Variants in STAB1 observed in about 807,000 individuals in gnomAD.
STAB1 encodes stabilin 1, also known as stabilin-1.
A neutral mutation model predicts 332.4 loss-of-function variants in STAB1; 250 were observed. The observed-to-expected ratio is 0.75, with a 90% CI of 0.68 to 0.84. The LOEUF (loss-of-function observed/expected upper bound fraction) is 0.84. STAB1 is among the 40% of genes least tolerant of loss of function. The probability of loss-of-function intolerance (pLI) is 0.00; values close to 1 mark genes in which losing one functional copy is unlikely to be tolerated. For missense variants in STAB1, 3,249 were observed against 3,489.7 expected, an observed-to-expected ratio of 0.93 and a Z score of 1.74; for synonymous variants, 1,475 against 1,390.4, an observed-to-expected ratio of 1.06 and a Z score of -1.35.
At chr3:52,516,910 C>T in intron 41 of STAB1, 74 bp from the exon 42 acceptor site, 11 of 1,602,088 alleles carry the variant, frequency 6.9e-6, no homozygotes, top group South Asian at 2.2e-5. Flanking sequence ...TTTCCTTTCT[C>T]TCACGCCCTC....
At chr3:52,518,380 T>C (rs1375559762) in intron 46 of STAB1, 21 bp downstream of exon 46, 1 of 1,610,176 alleles carries the variant, frequency 6.2e-7, no homozygotes, top group African/African-American at 1.3e-5. Context: ...AGCTTGGGCC[T>C]CTGTGACCTG....
Position 52,523,751 on chromosome 3 carries a change from C to T in STAB1, c.7390C>T (p.Gln2464Ter), listed in dbSNP as rs1336838153. The change falls in exon 66 of 69, where the codon CAG becomes TAG. Residue 2464 changes from glutamine (Q) to a stop codon, truncating the protein, a stop_gained. Coordinates refer to ENST00000321725, the MANE Select transcript of STAB1 (RefSeq NM_015136.3). LOFTEE classifies it high-confidence loss of function. ...GGCCAGCCCCCTCCTGGCACCCCCA[C>T]AGCCCGTGAGTTGAGGAAGGGGGAG... ...ALASPLLAPP[Q>*]PQAVLAPEAP... is the part of the protein sequence containing the mutation. The T allele has an allele frequency of 1.9e-5, 31 of 1,598,810 alleles. No homozygotes were observed. Among genetic ancestry groups the T allele is most frequent in the Non-Finnish European group, 2.6e-5 (30 of 1,168,556 alleles).
intron 46 of STAB1, 69 bp from the exon 47 acceptor site, chr3:52,518,467 C>G: frequency 6.4e-7 from 1 of 1,562,392 alleles, no homozygotes. Flanking sequence ...GAGTCCAGGT[C>G]TTCCCCAGGA....
In STAB1 at chr3:52,523,065, G is replaced by A. The variant is rs369212399; in HGVS notation, c.6951G>A (p.Gly2317=). 6.9e-5 allele frequency: 108 copies of A among 1,570,812 alleles called. No homozygotes were observed. The highest frequency in any genetic ancestry group is 8.7e-5 in the Non-Finnish European group (101 of 1,156,334). Residue 2317 remains glycine, a synonymous_variant, in exon 63 of 69, where the codon GGG becomes GGA. Coordinates refer to ENST00000321725, the MANE Select transcript of STAB1 (RefSeq NM_015136.3). ...GCCGAAATGGCTTCGTGGGTGACGG[G>A]ATCAGCACGTGCAATGGGAAGCTGC... ...CRCRNGFVGD[G]ISTCNGKLLD...
rs538241569 is a variant in STAB1, at chr3:52,506,200, C to T, written c.1780C>T (p.Arg594Trp). 33 of 1,612,766 alleles carry T rather than the reference C, an allele frequency of 2.0e-5. No individual in the cohort carries two copies. The highest frequency in any genetic ancestry group is 2.7e-5 in the African/African-American group (2 of 75,058). ...CGTTGAGAAGCTCATCTCCAAGGGT[C>T]GGATCCTCACCATGGCGAACCAGGT... ...LTVEKLISKG[R>W]ILTMANQVLA... The change falls in exon 17 of 69, where the codon CGG (arginine) becomes TGG (tryptophan). Residue 594 changes from arginine (R) to tryptophan (W), a missense_variant. Transcript: ENST00000321725.
Position 52,522,096 on chromosome 3 carries a change from G to C in STAB1, c.6331G>C (p.Val2111Leu). ...GCSEHANCSQ[V>L]GTMVTCTCLP... Reference sequence around the variant, plus strand: ...CAGTGAGCACGCCAACTGTAGCCAGGTAGGAACAATGGTCACTTGTACCTG... The same window carrying C: ...CAGTGAGCACGCCAACTGTAGCCAGCTAGGAACAATGGTCACTTGTACCTG... Residue 2111 changes from valine to leucine, a missense_variant, in exon 59 of 69, where the codon GTA (valine) becomes CTA (leucine). Transcript: ENST00000321725. The C allele has an allele frequency of 1.9e-6, 3 of 1,613,112 alleles. No homozygotes were observed. Among genetic ancestry groups the C allele is most frequent in the Non-Finnish European group, 2.5e-6 (3 of 1,180,012 alleles).
rs748877370 is a variant in STAB1 at position 52,519,356 on chromosome 3, G to GC, written c.5133dup (p.Glu1712ArgfsTer8). 101 of 1,613,088 alleles carry GC rather than the reference G, an allele frequency of 6.3e-5. No homozygotes were observed. Among genetic ancestry groups the GC allele is most frequent in the Middle Eastern group, 1.7e-4 (1 of 6,060 alleles). On this transcript the variant is annotated frameshift_variant, in exon 49 of 69. Coordinates refer to ENST00000321725, the MANE Select transcript of STAB1 (RefSeq NM_015136.3). LOFTEE classifies it high-confidence loss of function. ...TGCACTTCATTGACCGTGTCCTGCT[G>GC]CCCCCCGAGGCGCTGCACTGGGAGC...
Position 52,523,534 on chromosome 3 carries a change from C to A in STAB1, c.7248C>A (p.Ile2416=). 1 of 1,612,928 alleles carries A rather than the reference C, an allele frequency of 6.2e-7. No homozygotes were observed. Among genetic ancestry groups the A allele is most frequent in the Non-Finnish European group, 8.5e-7 (1 of 1,180,000 alleles). ...CGGCCCACTCAGGCCTCAGCCTCATCATCAGTGACGCAGGCCCTGACAACA... is the reference window on the plus strand; with the variant it reads ...CGGCCCACTCAGGCCTCAGCCTCATAATCAGTGACGCAGGCCCTGACAACA... ...LLPAHSGLSL[I]ISDAGPDNSS... Residue 2416 remains isoleucine, a synonymous_variant, in exon 65 of 69, where the codon ATC becomes ATA. Transcript: ENST00000321725.
chr3:52,509,919 G>T lies in STAB1; in HGVS notation c.2397G>T (p.Gly799=), dbSNP rs1446102475. The T allele has an allele frequency of 1.1e-5, 17 of 1,612,922 alleles. No individual in the cohort carries two copies. The highest frequency in any genetic ancestry group is 1.7e-5 in the Admixed American group (1 of 60,008). ...GCGACAACCGCCCAGGCAGTGGGGG[G>T]GTGTGCCAGCAGGGCACGTGTGCCC... is the stretch of plus-strand genomic sequence containing the variant. The part of the protein sequence containing the change: ...GLCDNRPGSG[G]VCQQGTCAPG... The change falls in exon 23 of 69, where the codon GGG becomes GGT. Residue 799 remains glycine, a synonymous_variant. Transcript: ENST00000321725.
intron 36 of STAB1, 118 bp downstream of exon 36, chr3:52,515,163 G>A: frequency 7.6e-7 from 1 of 1,323,946 alleles, no homozygotes; most frequent in East Asian, 2.5e-5. Context: ...CAGGCTCAGG[G>A]AACTGGGTGG....
In STAB1 at chr3:52,510,232, G is replaced by T. The variant is rs201202233; in HGVS notation, c.2625G>T (p.Glu875Asp). 6.2e-6 allele frequency: 10 copies of T among 1,614,046 alleles called. No homozygotes were observed. In the East Asian group the frequency reaches 8.9e-5, roughly 14 times the overall value. ...CSHPDRGGCSENAECVPGSLG... is the reference protein window; with the variant it reads ...CSHPDRGGCSDNAECVPGSLG... ...ACCCGGACCGTGGAGGCTGCTCAGA[G>T]AATGTCAGTCCCCTTGCTCCTTCCC... Residue 875 changes from glutamate to aspartate, a missense_variant, in exon 24 of 69, where the codon GAG becomes GAT. By Grantham distance (45) the Glu-to-Asp change is conservative. Coordinates refer to ENST00000321725, the MANE Select transcript of STAB1 (RefSeq NM_015136.3).
rs1376995820 is a variant in STAB1 at position 52,520,907 on chromosome 3, G to A, written c.5810G>A (p.Gly1937Asp). Residue 1937 changes from glycine (G) to aspartate (D), a missense_variant, in exon 55 of 69, where the codon GGT becomes GAT. Transcript: ENST00000321725. ...GTCTGGGTCCACCCCAGCCTTTGGG[G>A]TAGGCCCCAAGGCCTGGGCAGGGGC... ...RSVWVHPSLW[G>D]RPQGLGRGCH... 3.1e-6 allele frequency: 5 copies of A among 1,608,138 alleles called. No individual in the cohort carries two copies. Among genetic ancestry groups the A allele is most frequent in the Non-Finnish European group, 3.4e-6 (4 of 1,177,622 alleles).
At chr3:52,503,981 G>C (rs777248008) in intron 9 of STAB1, 47 bp from the exon 10 acceptor site, 2 of 1,607,530 alleles carry the variant, frequency 1.2e-6, no homozygotes, top group African/African-American at 1.4e-5. Context: ...GGGTGCGGTG[G>C]GGGGGGCCTC....
In STAB1 at chr3:52,521,600, C is replaced by T; in HGVS notation, c.6063C>T (p.Cys2021=). Residue 2021 remains cysteine, a synonymous_variant, in exon 57 of 69, where the codon TGC becomes TGT. Coordinates refer to ENST00000321725, the MANE Select transcript of STAB1 (RefSeq NM_015136.3). ...PGAFGPHCQA[C]RCTVHGRCDE... The stretch of plus-strand genomic sequence containing the variant: ...CCTGCCTGTCCCTCTCCCCAGCCTG[C>T]CGCTGCACTGTGCATGGCCGCTGTG... The T allele has an allele frequency of 6.2e-7, 1 of 1,612,726 alleles. No individual in the cohort carries two copies. Among genetic ancestry groups the T allele is most frequent in the Non-Finnish European group, 8.5e-7 (1 of 1,179,730 alleles).
In STAB1 at chr3:52,523,283, A is replaced by G. The variant is rs1332079464; in HGVS notation, c.7082A>G (p.Asp2361Gly). The change falls in exon 64 of 69, where the codon GAT (aspartate) becomes GGT (glycine). Residue 2361 changes from aspartate (D) to glycine (G), a missense_variant. Asp to Gly is a moderately conservative substitution (Grantham distance 94, BLOSUM62 -1). Transcript: ENST00000321725. ...CTCGACTTCCTGGACTTCCTGGATG[A>G]TGAGCTCACGTATAAGACACTCTTC... The part of the protein sequence containing the change: ...RGLDFLDFLD[D>G]ELTYKTLFVP... 2 of 1,612,942 alleles carry G rather than the reference A, an allele frequency of 1.2e-6. No homozygotes were observed. The highest frequency in any genetic ancestry group is 1.3e-5 in the African/African-American group (1 of 74,926).
At chr3:52,516,275 C>A in intron 38 of STAB1, 37 bp downstream of exon 38, 1 of 1,607,400 alleles carries the variant, frequency 6.2e-7, no homozygotes, top group East Asian at 2.2e-5. Context: ...GGCCTCCTGG[C>A]AGCAGAGAGC....
At position 52,513,856 on chromosome 3, in the gene STAB1, C is replaced by T. The variant is rs578169436; in HGVS notation, c.3349-27C>T. ...AGGCAGGCCGTGAAGCAATGACATA[C>T]TGACCAGGCCCTGTGCTCTGTACCA... On this transcript the variant is annotated intron_variant, in intron 31 of 68. Coordinates refer to ENST00000321725, the MANE Select transcript of STAB1 (RefSeq NM_015136.3). 18 of 1,612,224 alleles carry T rather than the reference C, an allele frequency of 1.1e-5. No homozygotes were observed. In the East Asian group the frequency reaches 2.9e-4, roughly 26 times the overall value.
At chr3:52,503,728 T>C (rs1374494832) in intron 8 of STAB1, 44 bp from the exon 9 acceptor site, 1 of 1,610,474 alleles carries the variant, frequency 6.2e-7, no homozygotes, top group African/African-American at 1.3e-5. Context: ...CAGTGGTTCT[T>C]GGGGTTGGAC....
chr3:52,523,744 AC>A lies in STAB1; in HGVS notation c.7388del (p.Pro2463HisfsTer137). ...ATGCTCTGGCCAGCCCCCTCCTGGC[AC>A]CCCCACAGCCCGTGAGTTGAGGAAG... ...IHALASPLLA[P>X]PQPQAVLAPE... On this transcript the variant is annotated frameshift_variant, in exon 66 of 69. Coordinates refer to ENST00000321725, the MANE Select transcript of STAB1 (RefSeq NM_015136.3). LOFTEE classifies it high-confidence loss of function. 2 of 1,598,130 alleles carry A rather than the reference AC, an allele frequency of 1.3e-6. No individual in the cohort carries two copies. Among genetic ancestry groups the A allele is most frequent in the Non-Finnish European group, 1.7e-6 (2 of 1,167,972 alleles).
Sources: allele counts gnomAD v4.1 joint callset, GRCh38; gene constraint gnomAD v4.1.1; transcripts MANE v1.5; gene names NCBI Gene and HGNC (gene_info 2026-07-23, HGNC 2026-07-21).